LAMA3: variants seen among roughly 807,000 people sequenced by gnomAD.
The protein encoded by LAMA3 is laminin subunit alpha 3.
LAMA3 carries 281 observed loss-of-function variants against 402.0 expected under a neutral mutation model. The observed-to-expected ratio is 0.70, with a 90% CI of 0.63 to 0.77. The LOEUF is 0.77. Ranked by LOEUF, LAMA3 falls within the 30% of genes least tolerant of loss-of-function variation. The pLI, the probability that LAMA3 is intolerant of heterozygous loss-of-function variation, is 0.00. For synonymous variants in LAMA3, 1,431 were observed against 1,558.4 expected, an observed-to-expected ratio of 0.92 and a Z score of 1.93; for missense variants, 3,840 against 4,215.5, an observed-to-expected ratio of 0.91 and a Z score of 2.47.
rs771769739 is a variant in LAMA3, at chr18:23,920,983, T to A, written c.7972T>A (p.Tyr2658Asn). 1 of 1,614,028 alleles carries A rather than the reference T, an allele frequency of 6.2e-7. No individual in the cohort carries two copies. The highest frequency in any genetic ancestry group is 1.7e-5 in the Admixed American group (1 of 60,016). The change falls in exon 61 of 75, where the codon TAC (tyrosine) becomes AAC (asparagine). Residue 2658 changes from tyrosine (Y) to asparagine (N), a missense_variant. Coordinates refer to ENST00000313654, the MANE Select transcript of LAMA3 (RefSeq NM_198129.4). ...AGAAGATGGCAAGCTCATGGTGAGA[T>A]ACAAACTGAATTCAGAGCTACCAAA... The part of the protein sequence containing the change: ...NIEDGKLMVR[Y>N]KLNSELPKER...
chr18:23,951,968 A>C (rs998203891), intron 73 of LAMA3, among the ~76,000 whole-genome samples, 191 bp downstream of exon 73: 1 of 152,192 alleles, frequency 6.6e-6, no homozygotes, highest in African/African-American at 2.4e-5. Flanking sequence ...CCAGTTCTCC[A>C]GAACTTATCA....
At position 23,845,128 on chromosome 18, in the gene LAMA3, AG is replaced by A; in HGVS notation, c.3719+5del. The A allele has an allele frequency of 6.6e-7, 1 of 1,516,486 alleles. No homozygotes were observed. Among genetic ancestry groups the A allele is most frequent in the Non-Finnish European group, 9.2e-7 (1 of 1,091,102 alleles). 93.9% of individuals were successfully genotyped at this position (1,516,486 alleles called of 1,614,324 possible). ...GAAAAAACAGCTTTTACCTTGAGTG[AG>A]TATCACTTTGTGGGAAGGCTCTGGA... On this transcript the variant is annotated splice_donor_5th_base_variant and intron_variant, in intron 30 of 74. Coordinates refer to ENST00000313654, the MANE Select transcript of LAMA3 (RefSeq NM_198129.4).
At chr18:23,808,736 C>T (rs752918085) in intron 12 of LAMA3, among the ~76,000 whole-genome samples, 2 of 152,192 alleles carry the variant, frequency 1.3e-5, no homozygotes, top group South Asian at 2.1e-4. Flanking sequence ...TAAATTCTGT[C>T]GTTCACCATC....
At position 23,697,354 on chromosome 18, in the gene LAMA3, A is replaced by AT. The variant is rs1377363549; in HGVS notation, c.294+7381dup. Reference sequence around the variant, plus strand: ...CTTGGTGCACAGTGAATGCATTGCAATTTTCTGGAGGGAGTTTTGGTCAAC... The same window carrying AT: ...CTTGGTGCACAGTGAATGCATTGCAATTTTTCTGGAGGGAGTTTTGGTCAAC... On this transcript the variant is annotated intron_variant, in intron 1 of 74. Transcript: ENST00000313654. Among the ~76,000 whole-genome samples the AT allele has an allele frequency of 3.3e-5, 5 of 152,028 alleles. No individual in the cohort carries two copies. In the East Asian group the frequency reaches 7.7e-4, roughly 23 times the overall value.
chr18:23,793,309 A>C (rs1040232786), intron 12 of LAMA3, among the ~76,000 whole-genome samples: 2 of 151,946 alleles, frequency 1.3e-5, no homozygotes, highest in Non-Finnish European at 2.9e-5. Flanking sequence ...GTTGTTTACT[A>C]TCTCTGGGAA....
At chr18:23,904,286 T>A (rs758049745) in intron 50 of LAMA3, among the ~76,000 whole-genome samples, 199 bp downstream of exon 50, 6 of 152,116 alleles carry the variant, frequency 3.9e-5, no homozygotes, top group Admixed American at 1.3e-4. Context: ...CCACGTCCTT[T>A]GGGCACAGCT....
At position 23,930,596 on chromosome 18, in the gene LAMA3, AACTTAG is replaced by A. The variant is rs1356172836; in HGVS notation, c.8437-465_8437-460del. Reference sequence around the variant, plus strand: ...GATCCTGTCTCTACAAAAAATTACAAACTTAGCCGGCTGTGGTGGTGTGCGCCTGTG... The same window carrying A: ...GATCCTGTCTCTACAAAAAATTACAACCGGCTGTGGTGGTGTGCGCCTGTG... On this transcript the variant is annotated intron_variant, in intron 64 of 74. Transcript: ENST00000313654. Among the ~76,000 whole-genome samples, 7 of 152,098 alleles carry A rather than the reference AACTTAG, an allele frequency of 4.6e-5. No homozygotes were observed. The South Asian group carries it at 1.5e-3, about 32-fold the overall frequency.
At chr18:23,914,146 T>A (rs540446503) in intron 56 of LAMA3, among the ~76,000 whole-genome samples, 7 of 152,190 alleles carry the variant, frequency 4.6e-5, no homozygotes, top group Non-Finnish European at 8.8e-5. Context: ...GCCCTCTGTA[T>A]GGTAGGTGCT....
At chr18:23,724,919 T>G (rs2061272173) in intron 2 of LAMA3, among the ~76,000 whole-genome samples, 1 of 152,162 alleles carries the variant, frequency 6.6e-6, no homozygotes, top group Non-Finnish European at 1.5e-5. Flanking sequence ...TCTGTGACCC[T>G]GCAGCCTTCC....
At chr18:23,935,261 T>C (rs1022666466) in intron 67 of LAMA3, among the ~76,000 whole-genome samples, 1 of 152,172 alleles carries the variant, frequency 6.6e-6, no homozygotes, top group African/African-American at 2.4e-5. Context: ...TCCATGGAGA[T>C]AGGAGAAGGA....
rs183163361 is a variant in LAMA3 at position 23,822,936 on chromosome 18, A to G, written c.2428+561A>G. ...CACAGCCTCGCCACAGGCAGAGAGA[A>G]GGCCCGCAGGTCTGTTCTTCAAGGT... On this transcript the variant is annotated intron_variant, in intron 20 of 74. Coordinates refer to ENST00000313654, the MANE Select transcript of LAMA3 (RefSeq NM_198129.4). Among the ~76,000 whole-genome samples the G allele has an allele frequency of 3.3e-5, 5 of 152,332 alleles. No individual in the cohort carries two copies. In the East Asian group the frequency reaches 9.6e-4, roughly 29 times the overall value.
intron 62 of LAMA3, among the ~76,000 whole-genome samples, chr18:23,925,662 C>A (rs1375671172): frequency 6.6e-6 from 1 of 152,196 alleles, no homozygotes; most frequent in African/African-American, 2.4e-5. Context: ...CCCACCAACA[C>A]AACAACTCAT....
chr18:23,755,275 T>C (rs1242969359), intron 6 of LAMA3, among the ~76,000 whole-genome samples: 5 of 152,210 alleles, frequency 3.3e-5, no homozygotes, highest in Non-Finnish European at 5.9e-5. Flanking sequence ...GAAAGGCTAC[T>C]GAACCCTGGA....
chr18:23,793,422 G>T (rs1320987572), intron 12 of LAMA3, among the ~76,000 whole-genome samples: 1 of 151,990 alleles, frequency 6.6e-6, no homozygotes, highest in Non-Finnish European at 1.5e-5. Context: ...CCAAAGCCCA[G>T]GGGCTGAAGC....
At position 23,914,869 on chromosome 18, in the gene LAMA3, A is replaced by C. The variant is rs1247834032; in HGVS notation, c.7644+9A>C. ...ACCCACCTGATTTTAAAGTAAGTGTAAATGTTATTTCACTGAATTAAATAT... is the reference window on the plus strand; with the variant it reads ...ACCCACCTGATTTTAAAGTAAGTGTCAATGTTATTTCACTGAATTAAATAT... On this transcript the variant is annotated intron_variant, in intron 58 of 74. Transcript: ENST00000313654. The C allele has an allele frequency of 6.3e-7, 1 of 1,597,980 alleles. No individual in the cohort carries two copies. The highest frequency in any genetic ancestry group is 1.7e-5 in the Admixed American group (1 of 59,988).
At chr18:23,714,137 G>A in intron 2 of LAMA3, 65 bp downstream of exon 2, 2 of 1,403,768 alleles carry the variant, frequency 1.4e-6, no homozygotes, top group African/African-American at 1.5e-5. Context: ...GGGGATTTCT[G>A]ATATAATAAT....
At chr18:23,921,220 G>A (rs535327115) in intron 61 of LAMA3, among the ~76,000 whole-genome samples, 166 bp downstream of exon 61, 1 of 152,286 alleles carries the variant, frequency 6.6e-6, no homozygotes, top group South Asian at 2.1e-4. Flanking sequence ...GGCATGAAAT[G>A]TATAACATAT....
At chr18:23,865,775 A>G (rs1006128087) in intron 36 of LAMA3, among the ~76,000 whole-genome samples, 1 of 152,208 alleles carries the variant, frequency 6.6e-6, no homozygotes, top group Non-Finnish European at 1.5e-5. Flanking sequence ...GGGCAGGGAC[A>G]AAGGCTAACA....
chr18:23,768,900 C>G (rs764952945), intron 8 of LAMA3, among the ~76,000 whole-genome samples: 1 of 152,150 alleles, frequency 6.6e-6, no homozygotes, highest in Non-Finnish European at 1.5e-5. Flanking sequence ...GAAAACCAAA[C>G]GCCACACGTT....
Sources: allele counts gnomAD v4.1 joint callset (sites outside exome capture counted in the v4.1 genomes callset), GRCh38; gene constraint gnomAD v4.1.1; transcripts MANE v1.5; gene names NCBI Gene and HGNC (gene_info 2026-07-23, HGNC 2026-07-21).